Variants in FBLN1 observed in about 807,000 individuals in gnomAD.
FBLN1 encodes the protein fibulin-1.
FBLN1 carries 34 observed loss-of-function variants against 89.7 expected under a neutral mutation model. The observed-to-expected ratio is 0.38, with a 90% CI of 0.29 to 0.50. FBLN1 has a LOEUF of 0.50. Ranked by LOEUF, FBLN1 falls within the 20% of genes least tolerant of loss-of-function variation. The pLI is 0.92. For synonymous variants in FBLN1, 393 were observed against 391.3 expected, an observed-to-expected ratio of 1.00 and a Z score of -0.05; for missense variants, 777 against 988.1, an observed-to-expected ratio of 0.79 and a Z score of 2.86.
At chr22:45,593,105 CTCTT>C (rs960340384) in intron 16 of FBLN1, among the ~76,000 whole-genome samples, 10 of 152,128 alleles carry the variant, frequency 6.6e-5, no homozygotes, top group African/African-American at 2.4e-4. Flanking sequence ...AACTCTAGGT[CTCTT>C]TATAAACCAG....
At chr22:45,510,753 T>C (rs1602159526) in intron 1 of FBLN1, among the ~76,000 whole-genome samples, 1 of 152,268 alleles carries the variant, frequency 6.6e-6, no homozygotes, top group South Asian at 2.1e-4. Flanking sequence ...CCGCAGGCCA[T>C]GTGACCTGTG....
intron 16 of FBLN1, among the ~76,000 whole-genome samples, chr22:45,592,857 C>G (rs1483817896): frequency 1.3e-5 from 2 of 152,220 alleles, no homozygotes; most frequent in Non-Finnish European, 2.9e-5. Context: ...TTCCTTTCTG[C>G]TCATGGCTGG....
chr22:45,595,685 A>G (rs1272804603), intron 16 of FBLN1, among the ~76,000 whole-genome samples: 1 of 152,306 alleles, frequency 6.6e-6, no homozygotes, highest in Non-Finnish European at 1.5e-5. Flanking sequence ...TCAGTCCAAG[A>G]GAAATACTTA....
intron 9 of FBLN1, among the ~76,000 whole-genome samples, chr22:45,541,747 A>G (rs2088559006): frequency 6.6e-6 from 1 of 152,226 alleles, no homozygotes; most frequent in African/African-American, 2.4e-5. Context: ...CCACACAAGC[A>G]CTGTCCTTTC....
chr22:45,574,670 T>TG lies in FBLN1; in HGVS notation c.1840+22dup. 6.2e-7 allele frequency: 1 copy of TG among 1,610,408 alleles called. No individual in the cohort carries two copies. The highest frequency in any genetic ancestry group is 1.1e-5 in the South Asian group (1 of 90,542). On this transcript the variant is annotated intron_variant, in intron 15 of 16. Transcript: ENST00000327858. The surrounding 1 kb of genome is among the most constrained non-coding windows in gnomAD (Gnocchi z 4.1). ...GCCCTGAAGGTGAGTGGGATGGGTG[T>TG]GGGGGTCCCAGGGCCCCCTAGGGCC...
intron 14 of FBLN1, among the ~76,000 whole-genome samples, chr22:45,567,516 T>C (rs1259614182): frequency 6.6e-6 from 1 of 152,168 alleles, no homozygotes. Flanking sequence ...CTCAGGAGGC[T>C]GAGGCAGGAG....
At chr22:45,542,517 G>A (rs906474901) in intron 10 of FBLN1, among the ~76,000 whole-genome samples, 2 of 152,216 alleles carry the variant, frequency 1.3e-5, no homozygotes, top group Non-Finnish European at 2.9e-5. Flanking sequence ...CTCCCCATCT[G>A]TGGAAAGGGG....
intron 14 of FBLN1, among the ~76,000 whole-genome samples, chr22:45,555,346 C>T (rs2088775252): frequency 1.3e-5 from 2 of 148,362 alleles, no homozygotes; most frequent in South Asian, 4.2e-4. Context: ...TAAGGATTAA[C>T]TCACATGATC....
chr22:45,555,305 A>G (rs576312727), intron 14 of FBLN1, among the ~76,000 whole-genome samples: 2 of 148,674 alleles, frequency 1.3e-5, no homozygotes, highest in African/African-American at 4.9e-5. Context: ...TGGAATATAT[A>G]TATGGAATAT....
intron 14 of FBLN1, among the ~76,000 whole-genome samples, chr22:45,555,272 A>AATATATATATATATATAAAATGGAAT (rs2088772451): frequency 2.2e-5 from 1 of 44,546 alleles, no homozygotes; most frequent in African/African-American, 4.2e-5. Context: ...TATAAAATGG[A>AATATATATATATATATAAAATGGAAT]ATATATATAT....
intron 1 of FBLN1, among the ~76,000 whole-genome samples, chr22:45,516,515 A>G (rs966880511): frequency 5.9e-5 from 9 of 152,248 alleles, no homozygotes; most frequent in Non-Finnish European, 2.9e-5. Context: ...GGTTATCCCC[A>G]TGATAACACG....
chr22:45,518,718 A>G lies in FBLN1; in HGVS notation c.116A>G (p.Asp39Gly), dbSNP rs2088204815. The G allele has an allele frequency of 3.7e-6, 6 of 1,611,614 alleles. No individual in the cohort carries two copies. The African/African-American group carries it at 5.3e-5, about 14-fold the overall frequency. The change falls in exon 2 of 17, where the codon GAC (aspartate) becomes GGC (glycine). Residue 39 changes from aspartate to glycine, a missense_variant. By Grantham distance (94) the Asp-to-Gly change is moderately conservative (BLOSUM62 -1). Coordinates refer to ENST00000327858, the MANE Select transcript of FBLN1 (RefSeq NM_006486.3). ...ADVLLEACCA[D>G]GHRMATHQKD... is the part of the protein sequence containing the mutation. ...GTCCTCCTGGAGGCCTGCTGTGCGG[A>G]CGGACACCGGATGGCCACTCATCAG... is the stretch of plus-strand genomic sequence containing the variant.
At position 45,526,795 on chromosome 22, in the gene FBLN1, A is replaced by G. The variant is rs977255537; in HGVS notation, c.322-1052A>G. 2.0e-5 allele frequency among the ~76,000 whole-genome samples: 3 copies of G among 152,224 alleles called. No homozygotes were observed. The East Asian group carries it at 5.8e-4, about 29-fold the overall frequency. On this transcript the variant is annotated intron_variant, in intron 3 of 16. Coordinates refer to ENST00000327858, the MANE Select transcript of FBLN1 (RefSeq NM_006486.3). ...GGGGTGATGGTGGGGGTGCCTGGGA[A>G]CCAGGACTTTGGGCGTTTCATGACT...
At chr22:45,517,443 G>A in intron 1 of FBLN1, 1 of 417,152 alleles carries the variant, frequency 2.4e-6, no homozygotes, top group South Asian at 1.8e-5. Flanking sequence ...GGCTGGGAGG[G>A]TGCCCACTGG....
In FBLN1 at chr22:45,576,229, C is replaced by G. The variant is rs576489997; in HGVS notation, c.1841-748C>G. ...GCAAAATGATGGGGTTTCACCAAACCACATACAAATCCTTCCCAAATCCCC... is the reference window on the plus strand; with the variant it reads ...GCAAAATGATGGGGTTTCACCAAACGACATACAAATCCTTCCCAAATCCCC... On this transcript the variant is annotated intron_variant, in intron 15 of 16. Transcript: ENST00000327858. This position sits in a 1 kb window ranked among gnomAD's most constrained non-coding sequence, Gnocchi z 5.2. Among the ~76,000 whole-genome samples, 2 of 152,304 alleles carry G rather than the reference C, an allele frequency of 1.3e-5. No individual in the cohort carries two copies. The highest frequency in any genetic ancestry group is 4.1e-4 in the South Asian group (2 of 4,822).
At chr22:45,534,341 A>G (rs2088455808) in intron 7 of FBLN1, among the ~76,000 whole-genome samples, 1 of 148,350 alleles carries the variant, frequency 6.7e-6, no homozygotes, top group African/African-American at 2.5e-5. Flanking sequence ...AAATCCCACA[A>G]CTGTTTTTGC....
rs1351531976 is a variant in FBLN1, at chr22:45,563,897, T to C, written c.1698-10614T>C. Among the ~76,000 whole-genome samples the C allele has an allele frequency of 2.0e-5, 3 of 152,220 alleles. No homozygotes were observed. The highest frequency in any genetic ancestry group is 3.9e-4 in the East Asian group (2 of 5,186). On this transcript the variant is annotated intron_variant, in intron 14 of 16. Coordinates refer to ENST00000327858, the MANE Select transcript of FBLN1 (RefSeq NM_006486.3). This position sits in a 1 kb window ranked among gnomAD's most constrained non-coding sequence, Gnocchi z 5.7. ...AAATCTGTGGTGCAGAAACACGGGA[T>C]GCGGTTGCGGCTCCTAGGATGCAGC...
At chr22:45,542,417 G>A (rs902570685) in intron 10 of FBLN1, 134 bp downstream of exon 10, 1 of 1,290,922 alleles carries the variant, frequency 7.7e-7, no homozygotes, top group Admixed American at 1.9e-5. Context: ...CCTGAGAGAA[G>A]ATCCTGAGTC....
At chr22:45,540,438 G>A (rs1420975474) in intron 8 of FBLN1, among the ~76,000 whole-genome samples, 1 of 152,166 alleles carries the variant, frequency 6.6e-6, no homozygotes, top group Non-Finnish European at 1.5e-5. Flanking sequence ...AGGGAGAGGG[G>A]TACAGCTGTC....
Sources: allele counts gnomAD v4.1 joint callset (sites outside exome capture counted in the v4.1 genomes callset), GRCh38; gene constraint gnomAD v4.1.1; non-coding constraint Gnocchi (gnomAD v3.1); transcripts MANE v1.5; gene names NCBI Gene and HGNC (gene_info 2026-07-23, HGNC 2026-07-21).